The following STRA6 variants were observed in gnomAD, a reference collection of about 807,000 sequenced individuals.
The protein encoded by STRA6 is signaling receptor and transporter of retinol STRA6, also known as receptor for retinol uptake STRA6.
In STRA6, 48 loss-of-function variants were observed where a neutral mutation model predicts 83.6. That is an observed-to-expected ratio of 0.57 (90% CI 0.46 to 0.73). STRA6 has a LOEUF of 0.73. STRA6 is among the 30% of genes least tolerant of loss of function. The probability of loss-of-function intolerance (pLI) is 0.00; values close to 1 mark genes in which losing one functional copy is unlikely to be tolerated. For missense variants in STRA6, 760 were observed against 838.8 expected, an observed-to-expected ratio of 0.91 and a Z score of 1.16; for synonymous variants, 353 against 362.3, an observed-to-expected ratio of 0.97 and a Z score of 0.29.
At chr15:74,202,959 G>T, upstream of STRA6, 4 of 987,070 alleles carry the variant, frequency 4.1e-6, no homozygotes, top group Non-Finnish European at 4.8e-6. Flanking sequence ...CAAGGGTGTG[G>T]CCAGGAGCCA....
intron 2 of STRA6, among the ~76,000 whole-genome samples, chr15:74,199,194 G>T (rs1177986078): frequency 6.6e-6 from 1 of 152,240 alleles, no homozygotes; most frequent in African/African-American, 2.4e-5. Flanking sequence ...AGGCATCAAG[G>T]CTGCATTATC....
At chr15:74,184,854 G>C in intron 13 of STRA6, 126 bp downstream of exon 13, 1 of 909,624 alleles carries the variant, frequency 1.1e-6, no homozygotes, top group South Asian at 1.4e-5. Flanking sequence ...CGCACAGGTG[G>C]GCTCCATGAC....
chr15:74,180,308 G>A, intron 18 of STRA6, 65 bp from the exon 19 acceptor site: 1 of 1,599,600 alleles, frequency 6.3e-7, no homozygotes, highest in Non-Finnish European at 8.6e-7. Flanking sequence ...CTGGCCCTCA[G>A]ACCTGATCAG....
At chr15:74,181,531 A>G in intron 16 of STRA6, 73 bp from the exon 17 acceptor site, 1 of 1,571,382 alleles carries the variant, frequency 6.4e-7, no homozygotes, top group South Asian at 1.2e-5. Flanking sequence ...TCAGACCTGG[A>G]TGCCCAGAAC....
Position 74,195,315 on chromosome 15 carries a change from G to C in STRA6, c.584C>G (p.Pro195Arg). The C allele has an allele frequency of 1.9e-6, 3 of 1,612,608 alleles. No homozygotes were observed. The highest frequency in any genetic ancestry group is 2.5e-6 in the Non-Finnish European group (3 of 1,179,880). Residue 195 changes from proline to arginine, a missense_variant, in exon 7 of 19, where the codon CCC becomes CGC. Pro to Arg is a moderately radical substitution (Grantham distance 103). Transcript: ENST00000395105. Reference protein sequence around the residue: ...GVQVWQRAECPQVPKIYKYYS... With the variant: ...GVQVWQRAECRQVPKIYKYYS... ...ATCAGCGGTTACCTTGGGCACCTGG[G>C]GACACTCTGCCCTCTGCCAGACCTG...
At chr15:74,196,790 AGG>A (rs2073841499) in intron 4 of STRA6, among the ~76,000 whole-genome samples, 1 of 152,198 alleles carries the variant, frequency 6.6e-6, no homozygotes, top group Non-Finnish European at 1.5e-5. Flanking sequence ...GTCTACACCA[AGG>A]AGCCACCCAT....
chr15:74,189,257 C>A lies in STRA6; in HGVS notation c.948G>T (p.Val316=). The change falls in exon 12 of 19, where the codon GTG becomes GTT. Residue 316 remains valine (V), a synonymous_variant. Transcript: ENST00000395105. ...AIYQVALLLL[V]GVVPTIQKVR... is the part of the protein sequence containing the mutation. ...CCTTCTGGATAGTGGGTACCACGCC[C>A]ACCAGCAGCAGCAGGGCCACCTGGA... is the stretch of plus-strand genomic sequence containing the variant. The A allele has an allele frequency of 6.2e-7, 1 of 1,602,042 alleles. No homozygotes were observed. The highest frequency in any genetic ancestry group is 2.2e-5 in the East Asian group (1 of 44,458).
chr15:74,203,986 C>T (rs1024950633), upstream of STRA6, among the ~76,000 whole-genome samples: 3 of 152,200 alleles, frequency 2.0e-5, no homozygotes, highest in Non-Finnish European at 2.9e-5. Context: ...GCTTGAAATC[C>T]TGGAGGCTCT....
rs368452107 is a variant in STRA6, at chr15:74,182,326, T to A, written c.1418+17A>T. On this transcript the variant is annotated intron_variant, in intron 15 of 18. Transcript: ENST00000395105. ...CTCTAAGGAGTCCCTGAGCCCTCCA[T>A]GTCTTGTTTCACTCACCACGAGGAC... 3.1e-6 allele frequency: 5 copies of A among 1,613,798 alleles called. No homozygotes were observed. Among genetic ancestry groups the A allele is most frequent in the Non-Finnish European group, 4.2e-6 (5 of 1,179,880 alleles).
chr15:74,191,475 T>C lies in STRA6; in HGVS notation c.737A>G (p.Tyr246Cys). 1 of 1,614,008 alleles carries C rather than the reference T, an allele frequency of 6.2e-7. No individual in the cohort carries two copies. Among genetic ancestry groups the C allele is most frequent in the South Asian group, 1.1e-5 (1 of 91,078 alleles). Reference protein sequence around the residue: ...GAGSKGLQSSYSEEYLRNLLC... With the variant: ...GAGSKGLQSSCSEEYLRNLLC... ...GAGGTTCCTCAGATATTCCTCAGAG[T>C]AGCTGCTCTGCAGCCCCTGTGGAGA... Residue 246 changes from tyrosine to cysteine, a missense_variant, in exon 9 of 19, where the codon TAC (tyrosine) becomes TGC (cysteine). Transcript: ENST00000395105.
At chr15:74,204,242 G>T (rs1262465519), upstream of STRA6, among the ~76,000 whole-genome samples, 1 of 152,234 alleles carries the variant, frequency 6.6e-6, no homozygotes, top group Non-Finnish European at 1.5e-5. Context: ...AGGCGCGAGT[G>T]TGAGCTCCCG....
At chr15:74,187,160 C>T (rs2073295097) in intron 12 of STRA6, among the ~76,000 whole-genome samples, 1 of 152,242 alleles carries the variant, frequency 6.6e-6, no homozygotes, top group Admixed American at 6.5e-5. Context: ...TACAGGCTAA[C>T]ACAGGGTTGA....
At position 74,202,207 on chromosome 15, in the gene STRA6, C is replaced by A. The variant is rs1409697947; in HGVS notation, c.61G>T (p.Gly21Cys). 2 of 1,524,712 alleles carry A rather than the reference C, an allele frequency of 1.3e-6. No homozygotes were observed. Among genetic ancestry groups the A allele is most frequent in the Non-Finnish European group, 1.8e-6 (2 of 1,140,326 alleles). The allele number at this position is 1,524,712 out of a possible 1,614,324, so 94.4% of individuals were successfully genotyped here. A position where few individuals can be genotyped will look rare whatever the true frequency, so the allele number is the denominator to read the frequency against. The change falls in exon 2 of 19, where the codon GGC (glycine) becomes TGC (cysteine). Residue 21 changes from glycine to cysteine, a missense_variant. Coordinates refer to ENST00000395105, the MANE Select transcript of STRA6 (RefSeq NM_022369.4). Reference protein sequence around the residue: ...SPGATEDYSYGSWYIDEPQGG... With the variant: ...SPGATEDYSYCSWYIDEPQGG... Reference sequence around the variant, plus strand: ...TGGGGCTCATCGATGTACCAGCTGCCATAGGAGTAGTCCTCTGTGGCCCCG... The same window carrying A: ...TGGGGCTCATCGATGTACCAGCTGCAATAGGAGTAGTCCTCTGTGGCCCCG...
At chr15:74,185,179 G>A (rs2073183091) in intron 12 of STRA6, 124 bp from the exon 13 acceptor site, 3 of 947,136 alleles carry the variant, frequency 3.2e-6, no homozygotes, top group South Asian at 2.8e-5. Flanking sequence ...AACTCTGTGT[G>A]GAAGCCTCTT....
intron 3 of STRA6, 38 bp from the exon 4 acceptor site, chr15:74,197,461 G>C: frequency 6.6e-7 from 1 of 1,510,184 alleles, no homozygotes. Context: ...GGGGTGCCCA[G>C]GCCTCCCCTG....
upstream of STRA6, chr15:74,209,610 G>T: frequency 1.6e-6 from 1 of 635,036 alleles, no homozygotes; most frequent in Non-Finnish European, 2.7e-6. Context: ...CTCACAGACA[G>T]GCTGGGGTTC....
chr15:74,211,772 T>G (rs1484080093), upstream of STRA6, among the ~76,000 whole-genome samples: 1 of 152,130 alleles, frequency 6.6e-6, no homozygotes, highest in Non-Finnish European at 1.5e-5. Flanking sequence ...TCTCTCTGCC[T>G]GTCCCTGGTA....
chr15:74,189,340 A>T, intron 11 of STRA6, 63 bp from the exon 12 acceptor site: 1 of 1,546,982 alleles, frequency 6.5e-7, no homozygotes, highest in Non-Finnish European at 8.7e-7. Flanking sequence ...AACAGGGGAG[A>T]CGCTGGGGAA....
upstream of STRA6, chr15:74,203,252 C>T (rs1210525842): frequency 1.0e-6 from 1 of 976,634 alleles, no homozygotes; most frequent in African/African-American, 1.8e-5. Context: ...GATAACTCAC[C>T]CCCACAAGGC....
Sources: allele counts gnomAD v4.1 joint callset (sites outside exome capture counted in the v4.1 genomes callset), GRCh38; gene constraint gnomAD v4.1.1; transcripts MANE v1.5; gene names NCBI Gene and HGNC (gene_info 2026-07-23, HGNC 2026-07-21).